EMSY: variants seen among roughly 807,000 people sequenced by gnomAD.
EMSY encodes BRCA2-interacting transcriptional repressor EMSY.
A neutral mutation model predicts 134.6 loss-of-function variants in EMSY; 26 were observed. The ratio of observed to expected loss-of-function variants is 0.19; its 90% CI spans 0.14 to 0.27. The LOEUF (loss-of-function observed/expected upper bound fraction) is 0.27. Ranked by LOEUF, EMSY falls within the 10% of genes least tolerant of loss-of-function variation. The pLI is 1.00. For synonymous variants in EMSY, 579 were observed against 577.8 expected (o/e 1.00, Z -0.03); for missense variants, 1,305 against 1,611.4 (o/e 0.81, Z 3.26).
At chr11:76,487,605 C>T (rs1431313330) in intron 8 of EMSY, among the ~76,000 whole-genome samples, 2 of 152,236 alleles carry the variant, frequency 1.3e-5, no homozygotes, top group African/African-American at 4.8e-5. Context: ...TACCTAACAA[C>T]CGCAGATCGT....
chr11:76,488,237 G>A (rs766005574), intron 8 of EMSY, among the ~76,000 whole-genome samples: 1 of 152,212 alleles, frequency 6.6e-6, no homozygotes, highest in Non-Finnish European at 1.5e-5. Flanking sequence ...AGGCCAAAGA[G>A]GGAGGGTTGT....
At chr11:76,479,772 G>A (rs1948898884) in intron 8 of EMSY, among the ~76,000 whole-genome samples, 2 of 152,182 alleles carry the variant, frequency 1.3e-5, no homozygotes, top group African/African-American at 4.8e-5. Context: ...TTGAAATTCT[G>A]TGCTGAAATC....
At chr11:76,462,915 T>A (rs1948183808) in intron 6 of EMSY, among the ~76,000 whole-genome samples, 1 of 152,166 alleles carries the variant, frequency 6.6e-6, no homozygotes, top group African/African-American at 2.4e-5. Flanking sequence ...GTAGTAGGAT[T>A]GAGGGTAGAT....
intron 8 of EMSY, among the ~76,000 whole-genome samples, chr11:76,485,381 G>T (rs1057223703): frequency 6.6e-6 from 1 of 152,154 alleles, no homozygotes; most frequent in Non-Finnish European, 1.5e-5. Flanking sequence ...GGGATGCAAG[G>T]CTGGTTCAAC....
At chr11:76,533,273 T>C (rs906284342) in intron 14 of EMSY, among the ~76,000 whole-genome samples, 1 of 151,862 alleles carries the variant, frequency 6.6e-6, no homozygotes, top group East Asian at 1.9e-4. Flanking sequence ...TGGGGGTGGG[T>C]TGGGTTGGTG....
At chr11:76,483,703 C>T (rs188622706) in intron 8 of EMSY, among the ~76,000 whole-genome samples, 2 of 152,270 alleles carry the variant, frequency 1.3e-5, no homozygotes, top group Admixed American at 1.3e-4. Context: ...AGCTAACTAT[C>T]CTAAATATAT....
intron 18 of EMSY, 138 bp from the exon 20 acceptor site, chr11:76,544,121 C>T: frequency 7.1e-6 from 6 of 844,452 alleles, no homozygotes; most frequent in Non-Finnish European, 9.0e-6. Context: ...GTAGAAAGCT[C>T]CTTGAGGTTT....
chr11:76,478,844 T>G (rs896772618), intron 8 of EMSY, among the ~76,000 whole-genome samples: 3 of 151,078 alleles, frequency 2.0e-5, no homozygotes, highest in African/African-American at 7.3e-5. Flanking sequence ...AATTATTCCC[T>G]TATTGTTGGG....
exon 3 of EMSY, chr11:76,451,904 G>T: frequency 6.3e-7 from 1 of 1,592,960 alleles, no homozygotes; most frequent in South Asian, 1.1e-5. Context: ...GGGCACAGGG[G>T]GATCTCACCA....
chr11:76,544,866 A>T (rs533108235), intron 19 of EMSY, 44 bp downstream of exon 20: 1 of 1,581,428 alleles, frequency 6.3e-7, no homozygotes, highest in Non-Finnish European at 8.6e-7. Context: ...TTCTCTGTTC[A>T]CGGAAAAAAA....
intron 11 of EMSY, among the ~76,000 whole-genome samples, chr11:76,522,429 G>T (rs1006038808): frequency 1.7e-5 from 2 of 117,862 alleles, no homozygotes; most frequent in African/African-American, 6.4e-5. Context: ...GTGCAGTGGC[G>T]CAATCTCAGC....
exon 11 of EMSY, chr11:76,516,200 A>C: frequency 6.2e-7 from 1 of 1,614,036 alleles, no homozygotes; most frequent in African/African-American, 1.3e-5. Context: ...GGATGGCTGC[A>C]ACCCCTGGAG....
chr11:76,471,524 T>C (rs185207091), intron 7 of EMSY, among the ~76,000 whole-genome samples: 2 of 152,296 alleles, frequency 1.3e-5, no homozygotes, highest in African/African-American at 4.8e-5. Flanking sequence ...CTCTTTAGGC[T>C]CCTACTGATT....
chr11:76,490,221 G>A lies in EMSY; in HGVS notation c.1109-5994G>A, dbSNP rs73493495. Among the ~76,000 whole-genome samples the A allele has an allele frequency of 5.0e-3, 740 of 148,078 alleles. 4 individuals are homozygous for A. The highest frequency in any genetic ancestry group is 0.017 in the African/African-American group (698 of 40,070). On this transcript the variant is annotated intron_variant, in intron 8 of 20. Transcript: ENST00000334736. Reference sequence around the variant, plus strand: ...GGATTCCATTTTATTTCCTCGACTCGGTAGCTACACTTAAAAAAAAATAGT... The same window carrying A: ...GGATTCCATTTTATTTCCTCGACTCAGTAGCTACACTTAAAAAAAAATAGT...
intron 8 of EMSY, among the ~76,000 whole-genome samples, chr11:76,482,706 A>G (rs2135522815): frequency 6.6e-6 from 1 of 152,344 alleles, no homozygotes; most frequent in Non-Finnish European, 1.5e-5. Context: ...AGAGAAAAAA[A>G]GGATGAAAAG....
At chr11:76,537,760 T>C in intron 15 of EMSY, 35 bp from the exon 17 acceptor site, 1 of 1,555,038 alleles carries the variant, frequency 6.4e-7, no homozygotes, top group Non-Finnish European at 8.7e-7. Flanking sequence ...TTGTTTGTAA[T>C]AAAAGTTAAC....
Position 76,484,054 on chromosome 11 carries a change from A to G in EMSY, c.1108+11214A>G, listed in dbSNP as rs1308013145. Reference sequence around the variant, plus strand: ...CAGAAATCATAACAAACAGTCTCTCAGACCACGGGGCAATCAAATTATAAC... The same window carrying G: ...CAGAAATCATAACAAACAGTCTCTCGGACCACGGGGCAATCAAATTATAAC... On this transcript the variant is annotated intron_variant, in intron 8 of 20. Transcript: ENST00000334736. 3.9e-5 allele frequency among the ~76,000 whole-genome samples: 6 copies of G among 152,376 alleles called. No homozygotes were observed. The East Asian group carries it at 1.2e-3, about 29-fold the overall frequency.
At chr11:76,453,461 T>A (rs2134876003) in intron 4 of EMSY, 73 bp downstream of exon 4, 1 of 1,357,664 alleles carries the variant, frequency 7.4e-7, no homozygotes, top group Non-Finnish European at 1.0e-6. Flanking sequence ...GTCTTCCTAT[T>A]GTGTAGCAGA....
chr11:76,493,062 G>GC (rs1457733258), intron 8 of EMSY, among the ~76,000 whole-genome samples: 1 of 152,054 alleles, frequency 6.6e-6, no homozygotes, highest in African/African-American at 2.4e-5. Flanking sequence ...GGCCAGGGAA[G>GC]CCCCCCCTTC....
Sources: allele counts gnomAD v4.1 joint callset (sites outside exome capture counted in the v4.1 genomes callset), GRCh38; gene constraint gnomAD v4.1.1; transcripts MANE v1.5; gene names NCBI Gene and HGNC (gene_info 2026-07-23, HGNC 2026-07-21).